Variants in KREMEN1 observed in about 807,000 individuals in gnomAD.
KREMEN1 encodes the protein kringle containing transmembrane protein 1.
Under a neutral mutation model 46.5 loss-of-function variants are expected in KREMEN1, and 30 were observed. The observed-to-expected ratio is 0.65, with a 90% CI of 0.48 to 0.88. KREMEN1 has a LOEUF of 0.88. Among genes scored for constraint, KREMEN1 ranks in the 40% least tolerant of loss-of-function variants. KREMEN1 has a pLI of 0.00. For synonymous variants in KREMEN1, 214 were observed against 230.6 expected, an observed-to-expected ratio of 0.93 and a Z score of 0.65; for missense variants, 533 against 596.9, an observed-to-expected ratio of 0.89 and a Z score of 1.11.
intron 1 of KREMEN1, among the ~76,000 whole-genome samples, chr22:29,082,433 G>T (rs891925860): frequency 6.6e-6 from 1 of 152,218 alleles, no homozygotes; most frequent in East Asian, 1.9e-4. Flanking sequence ...ACATAAACTT[G>T]TACTTGATTT....
chr22:29,162,732 G>GA (rs1261561677), intron 9 of KREMEN1, among the ~76,000 whole-genome samples: 5 of 151,324 alleles, frequency 3.3e-5, no homozygotes, highest in African/African-American at 7.3e-5. Flanking sequence ...AAGAAAAAAA[G>GA]AAAAAAAAGC....
At chr22:29,146,883 GTGTCTGT>G, downstream of KREMEN1, 2 of 757,008 alleles carry the variant, frequency 2.6e-6, no homozygotes, top group Non-Finnish European at 3.2e-6. Context: ...CAAGCGGAGG[GTGTCTGT>G]GGTGGGATTC....
intron 3 of KREMEN1, among the ~76,000 whole-genome samples, chr22:29,116,171 G>A (rs1292061257): frequency 6.6e-6 from 1 of 152,184 alleles, no homozygotes; most frequent in African/African-American, 2.4e-5. Flanking sequence ...TGTCTGGAAT[G>A]TACTGCAAAG....
At position 29,146,586 on chromosome 22, in the gene KREMEN1, T is replaced by C; in HGVS notation, c.*4474T>C. On this transcript the variant is annotated 3_prime_UTR_variant, in exon 9 of 9. Transcript: ENST00000400335. ...CAGCTTCCAGCAGGGATTTTGACTT[T>C]GGATGACAAGGCTTTATTTGTAAAT... 1.0e-6 allele frequency: 1 copy of C among 985,794 alleles called. No homozygotes were observed. The highest frequency in any genetic ancestry group is 1.2e-6 in the Non-Finnish European group (1 of 829,940). 61.1% of individuals were successfully genotyped at this position (985,794 alleles called of 1,614,324 possible).
intron 1 of KREMEN1, among the ~76,000 whole-genome samples, chr22:29,088,795 A>G (rs1964274821): frequency 6.6e-6 from 1 of 152,188 alleles, no homozygotes; most frequent in Non-Finnish European, 1.5e-5. Context: ...CCTGAGCTGT[A>G]GATAATCAAA....
chr22:29,149,390 T>C (rs1474306962), downstream of KREMEN1, among the ~76,000 whole-genome samples: 1 of 152,060 alleles, frequency 6.6e-6, no homozygotes. Context: ...CTCGATCTCT[T>C]GACCTGATGA....
Position 29,145,715 on chromosome 22 carries a change from C to T in KREMEN1, c.*3603C>T, listed in dbSNP as rs939518143. 8.1e-6 allele frequency: 8 copies of T among 985,552 alleles called. No individual in the cohort carries two copies. The highest frequency in any genetic ancestry group is 9.6e-6 in the Non-Finnish European group (8 of 830,010). 61.1% of individuals were successfully genotyped at this position (985,552 alleles called of 1,614,324 possible). A position where few individuals can be genotyped will look rare whatever the true frequency, so the allele number is the denominator to read the frequency against. On this transcript the variant is annotated 3_prime_UTR_variant, in exon 9 of 9. Transcript: ENST00000400335. ...CGAGTGACTTCACCCGCCCTGTCCC[C>T]CACGTCAGGACAGGCTTGAGGCCTC... is the stretch of plus-strand genomic sequence containing the variant.
At chr22:29,079,622 G>A (rs2037624174) in intron 1 of KREMEN1, among the ~76,000 whole-genome samples, 1 of 152,224 alleles carries the variant, frequency 6.6e-6, no homozygotes, top group South Asian at 2.1e-4. Context: ...TTCTTGGTTA[G>A]AACCAGAACG....
chr22:29,143,352 G>C lies in KREMEN1; in HGVS notation c.*1240G>C. ...CTCAGCTAACTCTCAGTTCAGAGTG[G>C]AGAGTATCAATCTTGTGTTTTTGCC... On this transcript the variant is annotated 3_prime_UTR_variant, in exon 9 of 9. Coordinates refer to ENST00000400335, the MANE Select transcript of KREMEN1 (RefSeq NM_001039570.3). 1.0e-6 allele frequency: 1 copy of C among 985,446 alleles called. No homozygotes were observed. The highest frequency in any genetic ancestry group is 1.2e-6 in the Non-Finnish European group (1 of 829,964). 61.0% of individuals were successfully genotyped at this position (985,446 alleles called of 1,614,324 possible).
chr22:29,085,628 T>C (rs1445281605), intron 1 of KREMEN1, among the ~76,000 whole-genome samples: 1 of 152,172 alleles, frequency 6.6e-6, no homozygotes, highest in Non-Finnish European at 1.5e-5. Flanking sequence ...TTCCCCTTTT[T>C]TTCTTTTCTT....
downstream of KREMEN1, among the ~76,000 whole-genome samples, chr22:29,148,411 A>C (rs991775174): frequency 1.3e-5 from 2 of 151,408 alleles, no homozygotes; most frequent in African/African-American, 4.9e-5. Context: ...ACAGGAGACA[A>C]GGACTCCCCT....
At chr22:29,141,285 C>G (rs924006464) in intron 8 of KREMEN1, among the ~76,000 whole-genome samples, 144 of 139,378 alleles carry the variant, frequency 1.0e-3, no homozygotes, top group African/African-American at 3.8e-3. Context: ...GTGTCTGTGT[C>G]TGTGTGTGTG....
rs1569337707 is a variant in KREMEN1 at position 29,143,619 on chromosome 22, G to A, written c.*1507G>A. On this transcript the variant is annotated 3_prime_UTR_variant, in exon 9 of 9. Transcript: ENST00000400335. ...TAGCTGGGTGTGGTGGTGGGCGCCTGTAGTCCCAGCTGCTCGGGAGGCTGA... is the reference window on the plus strand; with the variant it reads ...TAGCTGGGTGTGGTGGTGGGCGCCTATAGTCCCAGCTGCTCGGGAGGCTGA... The A allele has an allele frequency of 4.7e-6, 3 of 638,514 alleles. No individual in the cohort carries two copies. The highest frequency in any genetic ancestry group is 5.8e-6 in the Non-Finnish European group (3 of 513,436). The allele number at this position is 638,514 out of a possible 1,614,324, so 39.6% of individuals were successfully genotyped here. A position where few individuals can be genotyped will look rare whatever the true frequency, so the allele number is the denominator to read the frequency against.
Position 29,138,753 on chromosome 22 carries a change from G to T in KREMEN1, c.1094G>T (p.Ser365Ile). The T allele has an allele frequency of 1.9e-6, 3 of 1,614,204 alleles. No individual in the cohort carries two copies. The highest frequency in any genetic ancestry group is 2.5e-6 in the Non-Finnish European group (3 of 1,180,032). Residue 365 changes from serine to isoleucine, a missense_variant, in exon 7 of 9, where the codon AGC (serine) becomes ATC (isoleucine). Transcript: ENST00000400335. Reference protein sequence around the residue: ...SSKVLYVITTSPSHPPQTVPG... With the variant: ...SSKVLYVITTIPSHPPQTVPG... ...AAAGTCCTCTATGTCATCACCACCA[G>T]CCCCAGCCACCCACCTCAGACTGTC...
intron 8 of KREMEN1, among the ~76,000 whole-genome samples, chr22:29,140,662 A>G (rs544311402): frequency 6.6e-6 from 1 of 152,344 alleles, no homozygotes; most frequent in South Asian, 2.1e-4. Context: ...CCTTACGGAG[A>G]TCTTTATGCA....
intron 5 of KREMEN1, among the ~76,000 whole-genome samples, chr22:29,132,507 T>C (rs2038578808): frequency 6.6e-6 from 1 of 152,220 alleles, no homozygotes; most frequent in Non-Finnish European, 1.5e-5. Flanking sequence ...ATGATTTTCA[T>C]TTGCTCCACT....
At position 29,095,847 on chromosome 22, in the gene KREMEN1, G is replaced by A. The variant is rs995759980; in HGVS notation, c.260+1427G>A. Among the ~76,000 whole-genome samples the A allele has an allele frequency of 4.1e-5, 6 of 147,340 alleles. No homozygotes were observed. The Admixed American group carries it at 4.1e-4, about 10-fold the overall frequency. ...TAGTTGCTATTGACTTATTTTGTTT[G>A]TTATAAAAGTGTTAAAAGCTTATTC... On this transcript the variant is annotated intron_variant, in intron 2 of 8. Coordinates refer to ENST00000400335, the MANE Select transcript of KREMEN1 (RefSeq NM_001039570.3).
At chr22:29,078,156 G>A (rs2037601138) in intron 1 of KREMEN1, among the ~76,000 whole-genome samples, 1 of 152,140 alleles carries the variant, frequency 6.6e-6, no homozygotes, top group South Asian at 2.1e-4. Flanking sequence ...CTACTCAAGA[G>A]GCTGAGGTGG....
At position 29,073,864 on chromosome 22, in the gene KREMEN1, T is replaced by C. The variant is rs1300165437; in HGVS notation, c.97+637T>C. ...CCTCCTGGGATCCCGCCCCAAGTCC[T>C]TCATCGACGCACCTTGCACCGGGAC... On this transcript the variant is annotated intron_variant, in intron 1 of 8. Transcript: ENST00000400335. The surrounding 1 kb of genome is among the most constrained non-coding windows in gnomAD (Gnocchi z 4.4). 6.6e-6 allele frequency among the ~76,000 whole-genome samples: 1 copy of C among 151,658 alleles called. No individual in the cohort carries two copies. Among genetic ancestry groups the C allele is most frequent in the Non-Finnish European group, 1.5e-5 (1 of 67,886 alleles).
Sources: allele counts gnomAD v4.1 joint callset (sites outside exome capture counted in the v4.1 genomes callset), GRCh38; gene constraint gnomAD v4.1.1; non-coding constraint Gnocchi (gnomAD v3.1); transcripts MANE v1.5; gene names NCBI Gene and HGNC (gene_info 2026-07-23, HGNC 2026-07-21).